SRPK2: variants seen among roughly 807,000 people sequenced by gnomAD.
The protein encoded by SRPK2 is SRSF protein kinase 2.
SRPK2 carries 21 observed loss-of-function variants against 90.8 expected under a neutral mutation model. That is an observed-to-expected ratio of 0.23 (90% CI 0.16 to 0.33). The LOEUF is 0.33. SRPK2 is among the 10% of genes least tolerant of loss of function. The pLI, the probability that SRPK2 is intolerant of heterozygous loss-of-function variation, is 1.00. For synonymous variants in SRPK2, 288 were observed against 311.1 expected, an observed-to-expected ratio of 0.93 and a Z score of 0.78; for missense variants, 620 against 869.0, an observed-to-expected ratio of 0.71 and a Z score of 3.60.
rs190254288 is a variant in SRPK2 at position 105,362,850 on chromosome 7, G to A, written c.71+25798C>T. 2.1e-3 allele frequency among the ~76,000 whole-genome samples: 322 copies of A among 152,270 alleles called. 2 individuals are homozygous for A. The highest frequency in any genetic ancestry group is 7.5e-3 in the African/African-American group (310 of 41,550). ...AGAAAATGTGGCACATATACACCAC[G>A]GAATACTATGCAGCCATAAAAAAGA... On this transcript the variant is annotated intron_variant, in intron 2 of 15. Coordinates refer to ENST00000393651, the MANE Select transcript of SRPK2 (RefSeq NM_182692.3).
intron 3 of SRPK2, among the ~76,000 whole-genome samples, chr7:105,197,667 G>C (rs1489690675): frequency 7.2e-5 from 11 of 152,176 alleles, no homozygotes; most frequent in Admixed American, 7.2e-4. Flanking sequence ...GGAGATACAT[G>C]AACACAGAAA....
At chr7:105,298,096 GAC>G (rs970608758) in intron 2 of SRPK2, among the ~76,000 whole-genome samples, 45 of 152,036 alleles carry the variant, frequency 3.0e-4, no homozygotes, top group African/African-American at 9.9e-4. Context: ...GGTAAGTTTT[GAC>G]ACAGTTGTGT....
At chr7:105,168,950 A>C (rs1790455978) in intron 4 of SRPK2, among the ~76,000 whole-genome samples, 1 of 152,200 alleles carries the variant, frequency 6.6e-6, no homozygotes, top group Admixed American at 6.5e-5. Flanking sequence ...CTTTGAAATA[A>C]AGCTGGAAGC....
At chr7:105,149,004 C>T in intron 7 of SRPK2, among the ~76,000 whole-genome samples, 1 of 152,186 alleles carries the variant, frequency 6.6e-6, no homozygotes. Flanking sequence ...GGGTATTGTC[C>T]AAGGTTTCTC....
chr7:105,357,295 TC>T (rs1244888100), intron 2 of SRPK2, among the ~76,000 whole-genome samples: 1 of 152,138 alleles, frequency 6.6e-6, no homozygotes, highest in African/African-American at 2.4e-5. Flanking sequence ...TGCCTCGGCC[TC>T]CCAAAGTGCT....
chr7:105,231,952 G>T (rs1799476790), intron 2 of SRPK2, among the ~76,000 whole-genome samples: 1 of 152,062 alleles, frequency 6.6e-6, no homozygotes, highest in Admixed American at 6.6e-5. Flanking sequence ...TGAACTCCTG[G>T]GCTCTAGCAA....
intron 2 of SRPK2, among the ~76,000 whole-genome samples, chr7:105,205,521 A>T (rs1298362061): frequency 0.097 from 1,338 of 13,818 alleles, 12 homozygotes; most frequent in African/African-American, 0.25. Context: ...TCTCTCTCAC[A>T]CACACACACA....
At chr7:105,169,338 T>A (rs780518766) in intron 3 of SRPK2, 73 bp from the exon 4 acceptor site, 8 of 1,134,562 alleles carry the variant, frequency 7.1e-6, no homozygotes, top group Non-Finnish European at 1.0e-5. Flanking sequence ...ATCTCTTTTG[T>A]CATTCTTGAT....
chr7:105,124,761 T>G (rs1800924654), intron 15 of SRPK2, among the ~76,000 whole-genome samples: 1 of 151,672 alleles, frequency 6.6e-6, no homozygotes, highest in Non-Finnish European at 1.5e-5. Context: ...ACTTTAAAAG[T>G]TCTTTATTAA....
chr7:105,188,878 G>T (rs1226069035), intron 3 of SRPK2, among the ~76,000 whole-genome samples: 1 of 152,154 alleles, frequency 6.6e-6, no homozygotes, highest in Non-Finnish European at 1.5e-5. Context: ...GAGAATTGGT[G>T]GATAGCCCCA....
intron 3 of SRPK2, 78 bp downstream of exon 3, chr7:105,203,550 C>A: frequency 1.4e-6 from 2 of 1,381,774 alleles, no homozygotes; most frequent in South Asian, 4.0e-5. Context: ...ACCTCCTCCC[C>A]TTGTCCATTC....
intron 3 of SRPK2, among the ~76,000 whole-genome samples, chr7:105,172,804 C>G (rs961586779): frequency 4.6e-5 from 7 of 152,164 alleles, no homozygotes; most frequent in Non-Finnish European, 2.9e-5. Flanking sequence ...TAATTAAAAT[C>G]TATATACTAC....
intron 2 of SRPK2, chr7:105,206,661 C>T (rs986225994): frequency 8.5e-5 from 13 of 152,174 alleles, no homozygotes; most frequent in African/African-American, 2.9e-4. Context: ...AGCCACCAGC[C>T]ACGTGGGGTT....
intron 2 of SRPK2, among the ~76,000 whole-genome samples, chr7:105,228,153 T>C (rs1798953836): frequency 6.6e-6 from 1 of 152,086 alleles, no homozygotes; most frequent in South Asian, 2.1e-4. Context: ...CCTCCCAAAG[T>C]GCTGGGATTA....
At chr7:105,281,072 T>A (rs1198893695) in intron 2 of SRPK2, among the ~76,000 whole-genome samples, 1 of 151,792 alleles carries the variant, frequency 6.6e-6, no homozygotes. Flanking sequence ...TTTTTTCTTT[T>A]TGTTGTTGTA....
chr7:105,395,466 A>G, intron 1 of SRPK2, among the ~76,000 whole-genome samples: 1 of 152,148 alleles, frequency 6.6e-6, no homozygotes, highest in Non-Finnish European at 1.5e-5. Context: ...ACAGTGGCTC[A>G]TGCCTGTAAT....
chr7:105,300,405 A>G (rs1332004512), intron 2 of SRPK2, among the ~76,000 whole-genome samples: 2 of 152,198 alleles, frequency 1.3e-5, no homozygotes, highest in Non-Finnish European at 2.9e-5. Context: ...TGACTATAAA[A>G]CAAAACTGAT....
intron 13 of SRPK2, among the ~76,000 whole-genome samples, chr7:105,131,590 G>C (rs963755622): frequency 2.6e-5 from 4 of 152,162 alleles, no homozygotes; most frequent in African/African-American, 9.7e-5. Flanking sequence ...ATCATGCTGA[G>C]TCAAAGCTGA....
At chr7:105,266,920 T>C (rs1445330643) in intron 2 of SRPK2, among the ~76,000 whole-genome samples, 1 of 152,212 alleles carries the variant, frequency 6.6e-6, no homozygotes, top group African/African-American at 2.4e-5. Flanking sequence ...TGTTGTAATA[T>C]ATCTACATTA....
Sources: gnomAD v4.1 joint callset for allele counts (sites outside exome capture counted in the v4.1 genomes callset) on GRCh38, gnomAD v4.1.1 for gene constraint, MANE v1.5 for transcripts, NCBI Gene and HGNC (gene_info 2026-07-23, HGNC 2026-07-21) for gene names.